Variants in PDSS2 observed in about 807,000 individuals in gnomAD.
PDSS2 encodes the protein all trans-polyprenyl-diphosphate synthase PDSS2.
A neutral mutation model predicts 44.5 loss-of-function variants in PDSS2; 31 were observed. That is an observed-to-expected ratio of 0.70 (90% confidence interval 0.52 to 0.94). The LOEUF is 0.94. Among genes scored for constraint, PDSS2 ranks in the 40% least tolerant of loss-of-function variants. The pLI, the probability that PDSS2 is intolerant of heterozygous loss-of-function variation, is 0.00. For missense variants in PDSS2, 452 were observed against 482.2 expected (o/e 0.94, Z 0.59); for synonymous variants, 157 against 180.3 (o/e 0.87, Z 1.03).
intron 1 of PDSS2, among the ~76,000 whole-genome samples, chr6:107,449,762 G>A (rs551394258): frequency 2.9e-4 from 44 of 152,110 alleles, no homozygotes; most frequent in African/African-American, 8.4e-4. Context: ...ATAGAGATGG[G>A]GTCTCACTGT....
chr6:107,454,047 CTTT>C (rs34161602), intron 1 of PDSS2, among the ~76,000 whole-genome samples: 23 of 131,528 alleles, frequency 1.7e-4, no homozygotes, highest in South Asian at 4.9e-4. Context: ...TTTCAGACTT[CTTT>C]TTTTTTTTTT....
intron 3 of PDSS2, among the ~76,000 whole-genome samples, chr6:107,250,630 G>T (rs1050891559): frequency 6.6e-6 from 1 of 152,086 alleles, no homozygotes; most frequent in Non-Finnish European, 1.5e-5. Context: ...TTGATTTATG[G>T]AATATATCAC....
chr6:107,343,473 G>A (rs1012716268), intron 1 of PDSS2, among the ~76,000 whole-genome samples: 8 of 152,162 alleles, frequency 5.3e-5, no homozygotes, highest in Admixed American at 2.0e-4. Context: ...AGTATATGAT[G>A]TATTAGTTAA....
chr6:107,262,893 A>G (rs1424353150), intron 3 of PDSS2, among the ~76,000 whole-genome samples: 3 of 152,088 alleles, frequency 2.0e-5, no homozygotes, highest in Non-Finnish European at 4.4e-5. Flanking sequence ...TGGGCTAGAT[A>G]GTCCGGCCTG....
At chr6:107,368,373 A>T (rs1487028131) in intron 1 of PDSS2, among the ~76,000 whole-genome samples, 1 of 152,206 alleles carries the variant, frequency 6.6e-6, no homozygotes, top group East Asian at 1.9e-4. Context: ...AATAAACTTA[A>T]AAGAAGTGTA....
chr6:107,314,791 G>A (rs943940214), intron 2 of PDSS2, among the ~76,000 whole-genome samples: 1 of 152,158 alleles, frequency 6.6e-6, no homozygotes, highest in Non-Finnish European at 1.5e-5. Context: ...AAGGTCCTTG[G>A]AATCTATTAT....
chr6:107,205,373 A>C (rs1305601488), intron 6 of PDSS2, among the ~76,000 whole-genome samples: 1 of 152,224 alleles, frequency 6.6e-6, no homozygotes, highest in Non-Finnish European at 1.5e-5. Context: ...GAAAACTAGA[A>C]GGATCATTAA....
At chr6:107,276,592 TATGGA>T (rs1292836169) in intron 2 of PDSS2, among the ~76,000 whole-genome samples, 1 of 152,106 alleles carries the variant, frequency 6.6e-6, no homozygotes, top group South Asian at 2.1e-4. Context: ...CTGTTTTGCA[TATGGA>T]AGGAATGTGA....
At chr6:107,412,628 T>C (rs1036473755) in intron 1 of PDSS2, among the ~76,000 whole-genome samples, 1 of 152,252 alleles carries the variant, frequency 6.6e-6, no homozygotes, top group African/African-American at 2.4e-5. Flanking sequence ...TAAGCGTCAA[T>C]TGTTTTAAAA....
chr6:107,264,590 A>C (rs959548384), intron 3 of PDSS2: 9 of 914,026 alleles, frequency 9.8e-6, no homozygotes, highest in Non-Finnish European at 1.5e-5. Context: ...AAAGTAAAAG[A>C]CTTTTCAAAA....
At chr6:107,264,608 G>A (rs1477731855) in intron 3 of PDSS2, 2 of 739,462 alleles carry the variant, frequency 2.7e-6, no homozygotes, top group African/African-American at 1.8e-5. Context: ...AAAACAAGAT[G>A]ACAGGTAGTA....
At chr6:107,417,724 C>T (rs1780704470) in intron 1 of PDSS2, among the ~76,000 whole-genome samples, 1 of 151,846 alleles carries the variant, frequency 6.6e-6, no homozygotes, top group African/African-American at 2.4e-5. Context: ...CATGCCATTG[C>T]ACTCCAGCCT....
At chr6:107,155,889 T>C (rs1406557127) in intron 7 of PDSS2, among the ~76,000 whole-genome samples, 1 of 133,302 alleles carries the variant, frequency 7.5e-6, no homozygotes, top group East Asian at 2.5e-4. Context: ...TTTTTTTTTT[T>C]TTTTTTTTTT....
intron 5 of PDSS2, among the ~76,000 whole-genome samples, 170 bp downstream of exon 5, chr6:107,211,939 T>A (rs1773230447): frequency 6.6e-6 from 1 of 152,178 alleles, no homozygotes; most frequent in African/African-American, 2.4e-5. Context: ...TACACAATAC[T>A]TAGCAATTAT....
At chr6:107,176,096 C>T (rs1445169834) in intron 7 of PDSS2, among the ~76,000 whole-genome samples, 1 of 151,982 alleles carries the variant, frequency 6.6e-6, no homozygotes, top group Non-Finnish European at 1.5e-5. Flanking sequence ...GGCTGGAATG[C>T]AATGGCACAA....
chr6:107,245,388 T>C (rs1182263394), intron 4 of PDSS2, among the ~76,000 whole-genome samples, 160 bp downstream of exon 4: 1 of 121,140 alleles, frequency 8.3e-6, no homozygotes, highest in Non-Finnish European at 1.6e-5. Context: ...AGTAAGCGTA[T>C]GGCCATGAAT....
intron 2 of PDSS2, among the ~76,000 whole-genome samples, chr6:107,274,493 G>C (rs552976024): frequency 3.2e-4 from 49 of 152,188 alleles, no homozygotes; most frequent in Middle Eastern, 3.4e-3. Flanking sequence ...GACCAGTGGA[G>C]GGCCACCTTC....
At position 107,365,438 on chromosome 6, in the gene PDSS2, A is replaced by T. The variant is rs549741728; in HGVS notation, c.297-31106T>A. ...TTCATTTAATACAAAGGAAAGGAGTAAAGGAGGAACAGAGAAACAAAAATA... is the reference window on the plus strand; with the variant it reads ...TTCATTTAATACAAAGGAAAGGAGTTAAGGAGGAACAGAGAAACAAAAATA... On this transcript the variant is annotated intron_variant, in intron 1 of 7. Transcript: ENST00000369037. Among the ~76,000 whole-genome samples, 6 of 152,308 alleles carry T rather than the reference A, an allele frequency of 3.9e-5. No individual in the cohort carries two copies. The East Asian group carries it at 1.2e-3, about 29-fold the overall frequency.
intron 1 of PDSS2, among the ~76,000 whole-genome samples, chr6:107,362,917 A>T (rs1214764951): frequency 6.6e-6 from 1 of 152,212 alleles, no homozygotes; most frequent in East Asian, 1.9e-4. Context: ...GCAATAGAGG[A>T]TGTGAAATAG....
Sources: gnomAD v4.1 joint callset for allele counts (sites outside exome capture counted in the v4.1 genomes callset) on GRCh38, gnomAD v4.1.1 for gene constraint, MANE v1.5 for transcripts, NCBI Gene and HGNC (gene_info 2026-07-23, HGNC 2026-07-21) for gene names.